The following MAP3K2 variants were observed in gnomAD, a reference collection of about 807,000 sequenced individuals.
The protein encoded by MAP3K2 is MAP/ERK kinase kinase 2.
A neutral mutation model predicts 80.3 loss-of-function variants in MAP3K2; 24 were observed. The observed-to-expected ratio is 0.30, with a 90% CI of 0.22 to 0.42. MAP3K2 has a LOEUF of 0.42. Among genes scored for constraint, MAP3K2 ranks in the 10% least tolerant of loss-of-function variants. MAP3K2 has a pLI of 1.00. For synonymous variants in MAP3K2, 244 were observed against 253.7 expected, an observed-to-expected ratio of 0.96 and a Z score of 0.36; for missense variants, 608 against 750.1, an observed-to-expected ratio of 0.81 and a Z score of 2.21.
chr2:127,319,795 C>T (rs1472198043), intron 12 of MAP3K2, among the ~76,000 whole-genome samples: 4 of 150,770 alleles, frequency 2.7e-5, no homozygotes, highest in Admixed American at 6.6e-5. Context: ...GCTGAGATCG[C>T]GCCACTGCAC....
At chr2:127,381,882 TG>T (rs1470486555) in intron 1 of MAP3K2, among the ~76,000 whole-genome samples, 1 of 144,154 alleles carries the variant, frequency 6.9e-6, no homozygotes, top group South Asian at 2.2e-4. Flanking sequence ...ACAACTGGTA[TG>T]GGGGAATACA....
At chr2:127,382,064 A>G (rs1488270128) in intron 1 of MAP3K2, among the ~76,000 whole-genome samples, 3 of 152,254 alleles carry the variant, frequency 2.0e-5, no homozygotes, top group African/African-American at 7.2e-5. Flanking sequence ...AAAAAGCCTT[A>G]ACAACTAAAT....
chr2:127,368,016 C>G (rs1433257424), intron 1 of MAP3K2, among the ~76,000 whole-genome samples: 1 of 152,100 alleles, frequency 6.6e-6, no homozygotes, highest in Non-Finnish European at 1.5e-5. Context: ...ATGCTCAAGT[C>G]CCTCATATAA....
At chr2:127,361,828 C>T (rs944820979) in intron 1 of MAP3K2, among the ~76,000 whole-genome samples, 4 of 152,080 alleles carry the variant, frequency 2.6e-5, no homozygotes, top group African/African-American at 7.2e-5. Flanking sequence ...CAAAACCTAG[C>T]GGTAGTTATA....
rs377290878 is a variant in MAP3K2, at chr2:127,335,975, T to A, written c.165-6A>T. The A allele has an allele frequency of 7.3e-5, 108 of 1,481,578 alleles. No individual in the cohort carries two copies. The African/African-American group carries it at 1.1e-3, about 16-fold the overall frequency. 91.8% of individuals were successfully genotyped at this position (1,481,578 alleles called of 1,614,324 possible). A position where few individuals can be genotyped will look rare whatever the true frequency, so the allele number is the denominator to read the frequency against. On this transcript the variant is annotated splice_polypyrimidine_tract_variant and splice_region_variant and intron_variant, in intron 4 of 16. Coordinates refer to ENST00000682094, the MANE Select transcript of MAP3K2 (RefSeq NM_001371910.2). The stretch of plus-strand genomic sequence containing the variant: ...GTCTGGGGAACTGAAGGATTCTATA[T>A]AAACACAATTTTAAGATTTTATTTT...
chr2:127,387,715 G>C lies in MAP3K2; in HGVS notation c.-329C>G. On this transcript the variant is annotated 5_prime_UTR_variant, in exon 1 of 17. Coordinates refer to ENST00000682094, the MANE Select transcript of MAP3K2 (RefSeq NM_001371910.2). ...GGCCGGGTCCTCCTGGCGCTCCTCG[G>C]CACTTCTAGCCGCTGCAACCCCGAG... The C allele has an allele frequency of 4.1e-6, 4 of 985,118 alleles. No homozygotes were observed. Among genetic ancestry groups the C allele is most frequent in the Non-Finnish European group, 4.8e-6 (4 of 829,760 alleles). 61.0% of individuals were successfully genotyped at this position (985,118 alleles called of 1,614,324 possible). A position where few individuals can be genotyped will look rare whatever the true frequency, so the allele number is the denominator to read the frequency against.
At chr2:127,344,355 T>C (rs1686556386) in intron 1 of MAP3K2, among the ~76,000 whole-genome samples, 1 of 151,968 alleles carries the variant, frequency 6.6e-6, no homozygotes, top group Admixed American at 6.6e-5. Flanking sequence ...ACAAAATTAT[T>C]TTAAAAATTG....
At chr2:127,314,662 G>A (rs1685866997) in intron 15 of MAP3K2, 92 bp downstream of exon 15, 15 of 997,194 alleles carry the variant, frequency 1.5e-5, no homozygotes, top group African/African-American at 3.3e-5. Flanking sequence ...AGAGACAGAT[G>A]AATTAATGTT....
At position 127,321,908 on chromosome 2, in the gene MAP3K2, C is replaced by G; in HGVS notation, c.1045+138G>C. On this transcript the variant is annotated intron_variant, in intron 12 of 16. Transcript: ENST00000682094. The surrounding 1 kb of genome is among the most constrained non-coding windows in gnomAD (Gnocchi z 4.4). ...TGCTTATACCTGACATTCCAACCACCTTTAGAAACACCATTATTACCTTTT... is the reference window on the plus strand; with the variant it reads ...TGCTTATACCTGACATTCCAACCACGTTTAGAAACACCATTATTACCTTTT... 1 of 703,778 alleles carries G rather than the reference C, an allele frequency of 1.4e-6. No individual in the cohort carries two copies. Among genetic ancestry groups the G allele is most frequent in the South Asian group, 1.9e-5 (1 of 53,780 alleles). 43.6% of individuals were successfully genotyped at this position (703,778 alleles called of 1,614,324 possible).
chr2:127,345,380 G>A (rs1184826819), intron 1 of MAP3K2, among the ~76,000 whole-genome samples: 1 of 152,060 alleles, frequency 6.6e-6, no homozygotes, highest in African/African-American at 2.4e-5. Context: ...AATACACAAT[G>A]CAAAAAAGTA....
intron 1 of MAP3K2, among the ~76,000 whole-genome samples, chr2:127,343,632 A>G (rs1686541169): frequency 6.6e-6 from 1 of 152,244 alleles, no homozygotes; most frequent in Non-Finnish European, 1.5e-5. Flanking sequence ...CGCAATAATT[A>G]TAACTGTGTT....
intron 1 of MAP3K2, among the ~76,000 whole-genome samples, chr2:127,345,172 T>C (rs759514034): frequency 9.9e-5 from 15 of 152,128 alleles, no homozygotes; most frequent in Non-Finnish European, 1.8e-4. Context: ...GAAGACAAAA[T>C]AGGTTGACAG....
intron 1 of MAP3K2, among the ~76,000 whole-genome samples, chr2:127,366,878 T>TTG (rs1558988977): frequency 2.8e-5 from 4 of 141,290 alleles, no homozygotes; most frequent in East Asian, 2.0e-4. Context: ...TTTTTTTTTT[T>TTG]TTTTTTTTTT....
At chr2:127,351,912 T>G (rs1686698022) in intron 1 of MAP3K2, among the ~76,000 whole-genome samples, 1 of 152,010 alleles carries the variant, frequency 6.6e-6, no homozygotes, top group Admixed American at 6.5e-5. Context: ...GGTCTTGCTT[T>G]GTCACCCAGG....
intron 15 of MAP3K2, 141 bp from the exon 16 acceptor site, chr2:127,308,903 C>CTG (rs2104804202): frequency 1.2e-6 from 1 of 813,394 alleles, no homozygotes; most frequent in Admixed American, 2.7e-5. Flanking sequence ...CTGGCAGTAG[C>CTG]TGGCATAATG....
At chr2:127,309,837 T>G (rs554658168) in intron 15 of MAP3K2, among the ~76,000 whole-genome samples, 2 of 152,198 alleles carry the variant, frequency 1.3e-5, no homozygotes, top group African/African-American at 4.8e-5. Flanking sequence ...GTCAACATCA[T>G]TGTTGATGCT....
chr2:127,385,814 A>C (rs1687335057), intron 1 of MAP3K2, among the ~76,000 whole-genome samples: 1 of 152,218 alleles, frequency 6.6e-6, no homozygotes, highest in Non-Finnish European at 1.5e-5. Context: ...TGTTAGTTTA[A>C]CCCTTTGGTA....
intron 1 of MAP3K2, among the ~76,000 whole-genome samples, chr2:127,361,410 A>G (rs1036120764): frequency 1.3e-5 from 2 of 152,172 alleles, no homozygotes; most frequent in African/African-American, 2.4e-5. Context: ...AGCCTCCCAG[A>G]ATGAATAAAA....
intron 12 of MAP3K2, among the ~76,000 whole-genome samples, 162 bp from the exon 13 acceptor site, chr2:127,318,479 T>C (rs1380360832): frequency 6.6e-6 from 1 of 152,220 alleles, no homozygotes; most frequent in African/African-American, 2.4e-5. Flanking sequence ...CTTTCAAATT[T>C]TTCTCTTTCG....
Sources: allele counts gnomAD v4.1 joint callset (sites outside exome capture counted in the v4.1 genomes callset), GRCh38; gene constraint gnomAD v4.1.1; non-coding constraint Gnocchi (gnomAD v3.1); transcripts MANE v1.5; gene names NCBI Gene and HGNC (gene_info 2026-07-23, HGNC 2026-07-21).